Variants in DHRSX observed in about 807,000 individuals in gnomAD.
DHRSX encodes dehydrogenase/reductase X-linked.
DHRSX carries 31 observed loss-of-function variants against 34.0 expected under a neutral mutation model. That is an observed-to-expected ratio of 0.91 (90% CI 0.69 to 1.23). The LOEUF is 1.23. Among genes scored for constraint, DHRSX ranks in the 50% most tolerant of loss-of-function variants. The pLI is 0.00. For synonymous variants in DHRSX, 201 were observed against 183.8 expected (o/e 1.09, Z -0.76); for missense variants, 414 against 428.1 (o/e 0.97, Z 0.29).
chrX:2,243,551 A>G (rs2016195051), intron 5 of DHRSX, among the ~76,000 whole-genome samples: 1 of 151,898 alleles, frequency 6.6e-6, no homozygotes, highest in African/African-American at 2.4e-5. Flanking sequence ...CAGTGGTGCA[A>G]TCTTGGCTCA....
At chrX:2,245,123 T>TGAAGGCAAACCTGCC (rs1192524447) in intron 5 of DHRSX, among the ~76,000 whole-genome samples, 1 of 152,190 alleles carries the variant, frequency 6.6e-6, no homozygotes, top group Non-Finnish European at 1.5e-5. Flanking sequence ...TGGAACCTGC[T>TGAAGGCAAACCTGCC]GAAGGCAAAC....
At chrX:2,484,821 C>G (rs1335946222) in intron 1 of DHRSX, among the ~76,000 whole-genome samples, 4 of 152,246 alleles carry the variant, frequency 2.6e-5, no homozygotes, top group Admixed American at 1.3e-4. Context: ...GGAACAAAAG[C>G]AGGAGCTGGC....
chrX:2,269,324 T>C (rs1190770568), intron 4 of DHRSX, among the ~76,000 whole-genome samples: 1 of 152,248 alleles, frequency 6.6e-6, no homozygotes, highest in Non-Finnish European at 1.5e-5. Flanking sequence ...CATGTATACA[T>C]GCATCTGCAA....
chrX:2,287,417 T>A (rs1424332802), intron 4 of DHRSX, among the ~76,000 whole-genome samples: 1 of 146,566 alleles, frequency 6.8e-6, no homozygotes, highest in African/African-American at 2.6e-5. Flanking sequence ...ATCCCAATCC[T>A]CATGTGGAAG....
In DHRSX at chrX:2,443,706, G is replaced by C. The variant is rs192834570; in HGVS notation, c.110-18402C>G. Among the ~76,000 whole-genome samples, 6 of 152,100 alleles carry C rather than the reference G, an allele frequency of 3.9e-5. 1 individual carries two copies. The highest frequency in any genetic ancestry group is 1.2e-4 in the African/African-American group (5 of 41,502). The stretch of plus-strand genomic sequence containing the variant: ...AACTCGTGTGAGAGAAGATGAGATG[G>C]TAAAAAAAAGAGCCAATGGGCCGGG... On this transcript the variant is annotated intron_variant, in intron 1 of 6. Coordinates refer to ENST00000334651, the MANE Select transcript of DHRSX (RefSeq NM_145177.3).
intron 6 of DHRSX, among the ~76,000 whole-genome samples, chrX:2,241,145 C>T (rs73183468): frequency 0.13 from 20,131 of 152,080 alleles, 1,864 homozygotes; most frequent in Non-Finnish European, 0.19. Context: ...GATCACACCA[C>T]GGCACTCCAG....
chrX:2,239,075 ATAATTT>A (rs752765442), intron 6 of DHRSX, among the ~76,000 whole-genome samples: 1 of 152,284 alleles, frequency 6.6e-6, no homozygotes, highest in East Asian at 1.9e-4. Flanking sequence ...CTTCTGCTCT[ATAATTT>A]TAAAGTTTCC....
At chrX:2,250,087 G>A (rs1452498758) in intron 5 of DHRSX, among the ~76,000 whole-genome samples, 2 of 151,170 alleles carry the variant, frequency 1.3e-5, no homozygotes, top group Non-Finnish European at 2.9e-5. Context: ...GCTTGAACCC[G>A]GGAGGTGAAG....
intron 3 of DHRSX, among the ~76,000 whole-genome samples, chrX:2,341,435 G>A (rs1241378505): frequency 2.0e-5 from 3 of 152,010 alleles, no homozygotes; most frequent in Non-Finnish European, 4.4e-5. Context: ...GGCATCCCTG[G>A]GCTTATGGCC....
At chrX:2,230,571 T>C (rs1332838804) in intron 6 of DHRSX, among the ~76,000 whole-genome samples, 5 of 152,220 alleles carry the variant, frequency 3.3e-5, no homozygotes, top group Non-Finnish European at 7.3e-5. Flanking sequence ...ACTGGGTAGT[T>C]TGTGGATATC....
intron 1 of DHRSX, among the ~76,000 whole-genome samples, chrX:2,459,009 T>C (rs181584634): frequency 3.4e-4 from 52 of 152,018 alleles, no homozygotes; most frequent in African/African-American, 1.2e-3. Flanking sequence ...TGTGGTGGTG[T>C]GCACCTGTAG....
At chrX:2,277,079 AAG>A (rs1468178980) in intron 4 of DHRSX, among the ~76,000 whole-genome samples, 3 of 65,628 alleles carry the variant, frequency 4.6e-5, no homozygotes, top group East Asian at 2.5e-3. Context: ...GAAAGAGAGA[AAG>A]AGAGATGGAG....
At chrX:2,282,555 G>C (rs1279694418) in intron 4 of DHRSX, among the ~76,000 whole-genome samples, 2 of 122,358 alleles carry the variant, frequency 1.6e-5, no homozygotes, top group Non-Finnish European at 3.7e-5. Context: ...GAAGAGGGAG[G>C]GTGTGCGAGA....
intron 5 of DHRSX, among the ~76,000 whole-genome samples, chrX:2,247,508 C>T (rs1038090695): frequency 4.6e-5 from 7 of 151,248 alleles, no homozygotes; most frequent in Non-Finnish European, 1.0e-4. Context: ...CAAAAAATTA[C>T]CCGGGCATGG....
chrX:2,241,990 C>T (rs778892478), intron 6 of DHRSX, among the ~76,000 whole-genome samples: 1 of 152,180 alleles, frequency 6.6e-6, no homozygotes, highest in African/African-American at 2.4e-5. Context: ...AACCCATTGA[C>T]TTCTCTTTAA....
intron 5 of DHRSX, among the ~76,000 whole-genome samples, chrX:2,251,601 T>C (rs1294481175): frequency 6.6e-6 from 1 of 152,216 alleles, no homozygotes; most frequent in East Asian, 1.9e-4. Context: ...AATGACCCTG[T>C]CCCCTTTGTT....
At chrX:2,313,980 A>C (rs1235142719) in intron 3 of DHRSX, among the ~76,000 whole-genome samples, 1 of 151,934 alleles carries the variant, frequency 6.6e-6, no homozygotes, top group Admixed American at 6.6e-5. Flanking sequence ...AAGACCTGGA[A>C]TCAACAGAAA....
At chrX:2,246,726 A>AAGAAAGAAAGAG (rs2016300452) in intron 5 of DHRSX, among the ~76,000 whole-genome samples, 3 of 113,646 alleles carry the variant, frequency 2.6e-5, no homozygotes, top group African/African-American at 2.8e-5. Flanking sequence ...GAAAGAAAGA[A>AAGAAAGAAAGAG]AGAAAGAAAG....
At chrX:2,298,731 T>A (rs112738411) in intron 3 of DHRSX, among the ~76,000 whole-genome samples, 24,438 of 151,240 alleles carry the variant, frequency 0.16, 2,640 homozygotes, top group Non-Finnish European at 0.23. Flanking sequence ...CACGCCTGTA[T>A]TCCCAGCACT....
Sources: gnomAD v4.1 joint callset for allele counts (sites outside exome capture counted in the v4.1 genomes callset) on GRCh38, gnomAD v4.1.1 for gene constraint, MANE v1.5 for transcripts, NCBI Gene and HGNC (gene_info 2026-07-23, HGNC 2026-07-21) for gene names.